Variants in SCARA3 observed in about 807,000 individuals in gnomAD.
SCARA3 encodes the protein cellular stress response gene protein.
In SCARA3, 39 loss-of-function variants were observed where a neutral mutation model predicts 47.0. The observed-to-expected ratio is 0.83, with a 90% confidence interval of 0.64 to 1.08. SCARA3 has a LOEUF of 1.08. Ranked by LOEUF, SCARA3 falls within the 50% of genes least tolerant of loss-of-function variation. The probability of loss-of-function intolerance (pLI) is 0.00; values close to 1 mark genes in which losing one functional copy is unlikely to be tolerated. For synonymous variants in SCARA3, 356 were observed against 334.1 expected (o/e 1.07, Z -0.71); for missense variants, 724 against 792.3 (o/e 0.91, Z 1.04).
At chr8:27,723,021 C>T in the SCARA3 span, among the ~76,000 whole-genome samples, 16 of 152,202 alleles carry the variant, frequency 1.1e-4, no homozygotes, top group Non-Finnish European at 1.8e-4. Context: ...ATCCCAACAT[C>T]AACCACGCTG....
At chr8:27,668,546 C>CAAAAAAAAAAAAAAAAAAAAAA (rs61162841) in intron 5 of SCARA3, among the ~76,000 whole-genome samples, 4 of 69,846 alleles carry the variant, frequency 5.7e-5, no homozygotes, top group African/African-American at 1.0e-4. Flanking sequence ...GACTCCGTCT[C>CAAAAAAAAAAAAAAAAAAAAAA]AAAAAAAAAA....
intron 5 of SCARA3, among the ~76,000 whole-genome samples, chr8:27,662,360 A>G (rs1238240020): frequency 1.3e-5 from 2 of 152,192 alleles, no homozygotes; most frequent in African/African-American, 4.8e-5. Context: ...AGTCTTCAAA[A>G]GGCCATTCCA....
the SCARA3 span, among the ~76,000 whole-genome samples, chr8:27,725,962 G>A: frequency 6.6e-6 from 1 of 152,232 alleles, no homozygotes; most frequent in Non-Finnish European, 1.5e-5. Flanking sequence ...CCAGAGGACA[G>A]AGCAGCAGGT....
the SCARA3 span, among the ~76,000 whole-genome samples, chr8:27,704,024 GGA>G: frequency 6.6e-6 from 1 of 151,896 alleles, no homozygotes. Context: ...TAGCTTAAGG[GGA>G]GAGAGGGCAA....
At chr8:27,698,509 G>A in the SCARA3 span, among the ~76,000 whole-genome samples, 1 of 152,134 alleles carries the variant, frequency 6.6e-6, no homozygotes, top group African/African-American at 2.4e-5. Context: ...TATTTGACTA[G>A]AGGTCCTCCC....
At chr8:27,718,160 C>A in the SCARA3 span, among the ~76,000 whole-genome samples, 3 of 152,218 alleles carry the variant, frequency 2.0e-5, no homozygotes, top group Admixed American at 1.3e-4. Flanking sequence ...TCCTTCAAAT[C>A]CAGATCAAAA....
At chr8:27,667,335 C>G (rs36036753) in intron 5 of SCARA3, among the ~76,000 whole-genome samples, 2,462 of 152,310 alleles carry the variant, frequency 0.016, 57 homozygotes, top group African/African-American at 0.056. Context: ...TTCTGAGTCC[C>G]CTTCTCACTC....
the SCARA3 span, among the ~76,000 whole-genome samples, chr8:27,730,642 C>T: frequency 6.6e-6 from 1 of 151,896 alleles, no homozygotes; most frequent in Admixed American, 6.6e-5. Flanking sequence ...CTGCCAACAA[C>T]CTGGACTTTT....
chr8:27,660,385 A>G (rs780406616), intron 5 of SCARA3, among the ~76,000 whole-genome samples: 2 of 151,662 alleles, frequency 1.3e-5, no homozygotes, highest in South Asian at 4.1e-4. Flanking sequence ...GAGAAACAGA[A>G]TAAATAGTGT....
At chr8:27,686,150 A>T in the SCARA3 span, among the ~76,000 whole-genome samples, 38 of 152,296 alleles carry the variant, frequency 2.5e-4, no homozygotes, top group African/African-American at 8.7e-4. Context: ...TATGTTAAGA[A>T]ATTATTGTTG....
chr8:27,671,287 G>T lies in SCARA3; in HGVS notation c.1757G>T (p.Gly586Val). The change falls in exon 6 of 6, where the codon GGG becomes GTG. Residue 586 changes from glycine (G) to valine (V), a missense_variant. Gly to Val is a moderately radical substitution (Grantham distance 109, BLOSUM62 -3). Coordinates refer to ENST00000301904, the MANE Select transcript of SCARA3 (RefSeq NM_016240.3). ...GCCATGGGGCCTAAGGGTGAACCAG[G>T]GATCCAGGGTCCCCCTGGTCTCCCG... The part of the protein sequence containing the change: ...RGAMGPKGEP[G>V]IQGPPGLPGP... 1 of 1,443,330 alleles carries T rather than the reference G, an allele frequency of 6.9e-7. No individual in the cohort carries two copies. The highest frequency in any genetic ancestry group is 1.5e-5 in the South Asian group (1 of 66,794). 89.4% of individuals were successfully genotyped at this position (1,443,330 alleles called of 1,614,324 possible).
In SCARA3 at chr8:27,671,552, ACATGCACACACATG is replaced by A. The variant is rs1012792796; in HGVS notation, c.*218_*231del. 8.1e-5 allele frequency: 104 copies of A among 1,281,610 alleles called. No individual in the cohort carries two copies. In the Middle Eastern group the frequency reaches 2.1e-3, roughly 25 times the overall value. The allele number at this position is 1,281,610 out of a possible 1,614,324, so 79.4% of individuals were successfully genotyped here. A position where few individuals can be genotyped will look rare whatever the true frequency, so the allele number is the denominator to read the frequency against. ...AGCCCCTCCTCACACATACATGTGC[ACATGCACACACATG>A]CATGCACACACATGCACACATACAC... On this transcript the variant is annotated 3_prime_UTR_variant, in exon 6 of 6. Coordinates refer to ENST00000301904, the MANE Select transcript of SCARA3 (RefSeq NM_016240.3).
the SCARA3 span, among the ~76,000 whole-genome samples, chr8:27,722,771 C>A: frequency 6.6e-6 from 1 of 152,190 alleles, no homozygotes; most frequent in Admixed American, 6.5e-5. Context: ...AAGTAGGAAA[C>A]CACGCCTTGT....
the SCARA3 span, among the ~76,000 whole-genome samples, chr8:27,698,027 T>A: frequency 6.6e-6 from 1 of 152,198 alleles, no homozygotes; most frequent in Admixed American, 6.5e-5. Context: ...ATTTGATATT[T>A]TAAAAAGAAA....
chr8:27,711,438 C>G, the SCARA3 span, among the ~76,000 whole-genome samples: 2 of 152,132 alleles, frequency 1.3e-5, no homozygotes, highest in East Asian at 3.9e-4. Flanking sequence ...TCCTGAATTC[C>G]TCTGAACCAA....
At position 27,659,064 on chromosome 8, in the gene SCARA3, C is replaced by T. The variant is rs772709791; in HGVS notation, c.894C>T (p.His298=). The T allele has an allele frequency of 2.9e-5, 47 of 1,613,984 alleles. No individual in the cohort carries two copies. The highest frequency in any genetic ancestry group is 3.3e-5 in the Non-Finnish European group (39 of 1,180,022). The change falls in exon 5 of 6, where the codon CAC becomes CAT. Residue 298 remains histidine (H), a synonymous_variant. Coordinates refer to ENST00000301904, the MANE Select transcript of SCARA3 (RefSeq NM_016240.3). The part of the protein sequence containing the change: ...QRISQNSESM[H]DLVLQVMGLQ... Reference sequence around the variant, plus strand: ...TCAGCCAGAACTCAGAGAGCATGCACGACCTGGTACTCCAGGTCATGGGCT... The same window carrying T: ...TCAGCCAGAACTCAGAGAGCATGCATGACCTGGTACTCCAGGTCATGGGCT...
the SCARA3 span, chr8:27,701,538 A>AAGT: frequency 6.6e-6 from 1 of 151,668 alleles, no homozygotes; most frequent in Non-Finnish European, 1.5e-5. Flanking sequence ...TTCATTCAAA[A>AAGT]AGTAGCTTTT....
the SCARA3 span, among the ~76,000 whole-genome samples, chr8:27,729,846 C>T: frequency 6.6e-6 from 1 of 152,108 alleles, no homozygotes; most frequent in African/African-American, 2.4e-5. Flanking sequence ...AGAGCTGTAT[C>T]CTAAATGCAC....
chr8:27,699,639 G>A, the SCARA3 span, among the ~76,000 whole-genome samples: 3 of 152,042 alleles, frequency 2.0e-5, no homozygotes, highest in Admixed American at 6.6e-5. Flanking sequence ...ATATCCAGAC[G>A]TTCTCTAGGT....
Sources: gnomAD v4.1 joint callset for allele counts (sites outside exome capture counted in the v4.1 genomes callset) on GRCh38, gnomAD v4.1.1 for gene constraint, MANE v1.5 for transcripts, NCBI Gene and HGNC (gene_info 2026-07-23, HGNC 2026-07-21) for gene names.